VPS13C: variants seen among roughly 807,000 people sequenced by gnomAD.
The protein encoded by VPS13C is vacuolar protein sorting 13 homolog C.
Under a neutral mutation model 456.8 loss-of-function variants are expected in VPS13C, and 358 were observed. That is an observed-to-expected ratio of 0.78 (90% confidence interval 0.72 to 0.86). VPS13C has a LOEUF of 0.86. Among genes scored for constraint, VPS13C ranks in the 40% least tolerant of loss-of-function variants. VPS13C has a pLI of 0.00. For synonymous variants in VPS13C, 1,578 were observed against 1,486.7 expected (o/e 1.06, Z -1.41); for missense variants, 4,818 against 4,385.4 (o/e 1.10, Z -2.79).
chr15:62,010,704 T>C, intron 12 of VPS13C, 105 bp from the exon 13 acceptor site: 3 of 1,189,588 alleles, frequency 2.5e-6, no homozygotes, highest in Non-Finnish European at 3.3e-6. Flanking sequence ...AGAAAAATGA[T>C]CAAAAATGTG....
chr15:61,954,933 A>T (rs546889566), intron 37 of VPS13C, among the ~76,000 whole-genome samples: 1 of 152,308 alleles, frequency 6.6e-6, no homozygotes, highest in Non-Finnish European at 1.5e-5. Context: ...GAGCAAAACC[A>T]GGGAATGATA....
At chr15:61,913,470 T>G (rs2043363995) in intron 61 of VPS13C, 55 bp from the exon 62 acceptor site, 2 of 1,474,346 alleles carry the variant, frequency 1.4e-6, no homozygotes, top group South Asian at 1.2e-5. Flanking sequence ...TATAATAATT[T>G]TATTTGAGAG....
rs1327561053 is a variant in VPS13C, at chr15:61,919,282, G to A, written c.7638+7C>T. Reference sequence around the variant, plus strand: ...TGAAAGGGATACAATTAACTTTGAAGTATTACCTGTAGAGGAGAGCGAAGG... The same window carrying A: ...TGAAAGGGATACAATTAACTTTGAAATATTACCTGTAGAGGAGAGCGAAGG... On this transcript the variant is annotated splice_region_variant and intron_variant, in intron 58 of 84. Coordinates refer to ENST00000644861, the MANE Select transcript of VPS13C (RefSeq NM_020821.3). 4 of 1,582,400 alleles carry A rather than the reference G, an allele frequency of 2.5e-6. No homozygotes were observed. The South Asian group carries it at 4.7e-5, about 19-fold the overall frequency.
intron 11 of VPS13C, among the ~76,000 whole-genome samples, chr15:62,012,745 T>A (rs2047090989): frequency 6.6e-6 from 1 of 151,888 alleles, no homozygotes; most frequent in East Asian, 1.9e-4. Context: ...AATATCAGAA[T>A]GTGACAAGAA....
rs1362523051 is a variant in VPS13C at position 61,858,954 on chromosome 15, T to G, written c.10953-2545A>C. 1.3e-5 allele frequency among the ~76,000 whole-genome samples: 2 copies of G among 152,218 alleles called. No homozygotes were observed. The highest frequency in any genetic ancestry group is 4.8e-5 in the African/African-American group (2 of 41,446). On this transcript the variant is annotated intron_variant, in intron 82 of 84. Transcript: ENST00000644861. The surrounding 1 kb of genome is among the most constrained non-coding windows in gnomAD (Gnocchi z 4.4). Reference sequence around the variant, plus strand: ...AGTATAACATCCAAACCGCCAAGGATCTTTTAAAACTACAAGCCTCATCAT... The same window carrying G: ...AGTATAACATCCAAACCGCCAAGGAGCTTTTAAAACTACAAGCCTCATCAT...
chr15:61,991,702 T>G lies in VPS13C; in HGVS notation c.1454A>C (p.Lys485Thr). 1.2e-6 allele frequency: 2 copies of G among 1,612,848 alleles called. No individual in the cohort carries two copies. The highest frequency in any genetic ancestry group is 1.7e-6 in the Non-Finnish European group (2 of 1,179,282). The stretch of plus-strand genomic sequence containing the variant: ...AGGAATCAATGATTCTTCGTCCTTT[T>G]TCTTAGACTCTTTCTTACCCCACAA... ...SGLWGKKESK[K>T]KDEESLIPET... Residue 485 changes from lysine to threonine, a missense_variant, in exon 17 of 85, where the codon AAA becomes ACA. Lys to Thr is a moderately conservative substitution (Grantham distance 78, BLOSUM62 -1). Coordinates refer to ENST00000644861, the MANE Select transcript of VPS13C (RefSeq NM_020821.3).
At chr15:61,968,362 T>C (rs1440349188) in intron 28 of VPS13C, among the ~76,000 whole-genome samples, 1 of 152,008 alleles carries the variant, frequency 6.6e-6, no homozygotes, top group Non-Finnish European at 1.5e-5. Flanking sequence ...TACAATGTAT[T>C]AGGTATTAGA....
At chr15:61,973,735 T>C (rs960242670) in intron 25 of VPS13C, among the ~76,000 whole-genome samples, 4 of 152,142 alleles carry the variant, frequency 2.6e-5, no homozygotes, top group Admixed American at 1.3e-4. Flanking sequence ...AATTATTAAG[T>C]CTACCACCCA....
At chr15:62,050,523 G>A (rs971577250) in intron 1 of VPS13C, among the ~76,000 whole-genome samples, 1 of 152,206 alleles carries the variant, frequency 6.6e-6, no homozygotes, top group Non-Finnish European at 1.5e-5. Flanking sequence ...GCCAGGTGCA[G>A]TGAGTGGCTC....
chr15:62,017,858 T>A (rs1050965714), intron 9 of VPS13C, among the ~76,000 whole-genome samples: 1 of 152,152 alleles, frequency 6.6e-6, no homozygotes, highest in Non-Finnish European at 1.5e-5. Context: ...TGGCACTGAA[T>A]CTATAAATTA....
chr15:61,937,529 C>T (rs777099464), intron 47 of VPS13C, among the ~76,000 whole-genome samples: 4 of 152,164 alleles, frequency 2.6e-5, no homozygotes, highest in Non-Finnish European at 5.9e-5. Context: ...GGCTAGAGTG[C>T]AGTGGCACAA....
chr15:62,053,966 A>AT (rs751262606), intron 1 of VPS13C, among the ~76,000 whole-genome samples: 14 of 152,090 alleles, frequency 9.2e-5, no homozygotes, highest in Non-Finnish European at 1.5e-4. Context: ...TCCTATGTTG[A>AT]TTCCACCTGT....
intron 4 of VPS13C, 29 bp downstream of exon 4, chr15:62,034,928 T>G (rs2414758): frequency 1.4e-6 from 2 of 1,430,510 alleles, no homozygotes; most frequent in South Asian, 2.7e-5. Context: ...TGTGATGTTA[T>G]TGAATGGTTA....
chr15:62,026,838 T>G (rs2047657757), intron 6 of VPS13C, among the ~76,000 whole-genome samples: 2 of 152,084 alleles, frequency 1.3e-5, no homozygotes, highest in South Asian at 4.1e-4. Context: ...AACTGGCAAT[T>G]TTTTTGTTTC....
At chr15:61,942,423 A>G (rs1002177251) in intron 45 of VPS13C, among the ~76,000 whole-genome samples, 17 of 151,938 alleles carry the variant, frequency 1.1e-4, no homozygotes, top group Non-Finnish European at 2.2e-4. Flanking sequence ...TCAAATTTAA[A>G]TGAAAGGGAG....
Position 61,916,034 on chromosome 15 carries a change from C to G in VPS13C, c.8056-12G>C. On this transcript the variant is annotated splice_polypyrimidine_tract_variant and intron_variant, in intron 60 of 84. Transcript: ENST00000644861. ...GTTTCTGCTGTTCCCTAAAAACAAA[C>G]AAAAATTCGCTGAGTAACTTTTTAA... 6.5e-7 allele frequency: 1 copy of G among 1,536,706 alleles called. No individual in the cohort carries two copies. The highest frequency in any genetic ancestry group is 8.7e-7 in the Non-Finnish European group (1 of 1,144,126).
chr15:62,032,954 A>C lies in VPS13C; in HGVS notation c.385+487T>G, dbSNP rs1018723548. ...ACGTAAGGCAGGATGTTAAAATGCT[A>C]AAACCTGAAGAATCAAGTTTTTGGG... On this transcript the variant is annotated intron_variant, in intron 5 of 84. Coordinates refer to ENST00000644861, the MANE Select transcript of VPS13C (RefSeq NM_020821.3). Among the ~76,000 whole-genome samples the C allele has an allele frequency of 3.3e-5, 5 of 151,924 alleles. No homozygotes were observed. The East Asian group carries it at 9.6e-4, about 29-fold the overall frequency.
intron 37 of VPS13C, among the ~76,000 whole-genome samples, chr15:61,956,205 C>A (rs34325868): frequency 6.6e-6 from 1 of 151,998 alleles, no homozygotes; most frequent in East Asian, 1.9e-4. Flanking sequence ...GGCCATCATC[C>A]TAAGTTAATT....
chr15:61,946,001 C>A, intron 44 of VPS13C, 119 bp from the exon 45 acceptor site: 1 of 949,044 alleles, frequency 1.1e-6, no homozygotes, highest in East Asian at 2.8e-5. Flanking sequence ...ATGAATTCAA[C>A]ATTAAAAATT....
Sources: gnomAD v4.1 joint callset for allele counts (sites outside exome capture counted in the v4.1 genomes callset) on GRCh38, gnomAD v4.1.1 for gene constraint, Gnocchi (gnomAD v3.1) non-coding constraint, MANE v1.5 for transcripts, NCBI Gene and HGNC (gene_info 2026-07-23, HGNC 2026-07-21) for gene names.